Variants in JMY observed in about 807,000 individuals in gnomAD.
The protein encoded by JMY is junction mediating and regulatory protein, p53 cofactor.
JMY carries 46 observed loss-of-function variants against 103.3 expected under a neutral mutation model. The observed-to-expected ratio is 0.45, with a 90% CI of 0.35 to 0.57. JMY has a LOEUF of 0.57. Ranked by LOEUF, JMY falls within the 20% of genes least tolerant of loss-of-function variation. JMY has a pLI of 0.00. For synonymous variants in JMY, 526 were observed against 489.3 expected, an observed-to-expected ratio of 1.07 and a Z score of -0.99; for missense variants, 1,238 against 1,255.2, an observed-to-expected ratio of 0.99 and a Z score of 0.21.
At chr5:79,277,448 G>A (rs1055444284) in intron 1 of JMY, among the ~76,000 whole-genome samples, 1 of 151,304 alleles carries the variant, frequency 6.6e-6, no homozygotes, top group Non-Finnish European at 1.5e-5. Flanking sequence ...GCAACATGGT[G>A]AGACCCCGTC....
chr5:79,237,770 G>A (rs1047011584), intron 1 of JMY, 88 bp downstream of exon 1: 36 of 1,185,928 alleles, frequency 3.0e-5, no homozygotes, highest in Non-Finnish European at 3.4e-5. Flanking sequence ...TGTCGGGTGT[G>A]CGCAGTAGGA....
rs540078742 is a variant in JMY at position 79,294,628 on chromosome 5, G to A, written c.1527+3329G>A. 1.3e-4 allele frequency among the ~76,000 whole-genome samples: 20 copies of A among 152,144 alleles called. No homozygotes were observed. In the South Asian group the frequency reaches 3.3e-3, roughly 25 times the overall value. Reference sequence around the variant, plus strand: ...TCCTAGCACTTTGGGAGGCCAAGACGGGCGGATCATCTGAGGTCAGGAGTT... The same window carrying A: ...TCCTAGCACTTTGGGAGGCCAAGACAGGCGGATCATCTGAGGTCAGGAGTT... On this transcript the variant is annotated intron_variant, in intron 4 of 10. Coordinates refer to ENST00000396137, the MANE Select transcript of JMY (RefSeq NM_152405.5).
intron 6 of JMY, 33 bp from the exon 7 acceptor site, chr5:79,306,342 A>G (rs1260455927): frequency 6.8e-7 from 1 of 1,472,082 alleles, no homozygotes; most frequent in East Asian, 2.3e-5. Context: ...TTCAAGTTTC[A>G]CTTGTATTAA....
chr5:79,290,409 A>C, intron 3 of JMY, 138 bp downstream of exon 3: 1 of 419,396 alleles, frequency 2.4e-6, no homozygotes, highest in Non-Finnish European at 4.0e-6. Flanking sequence ...ACTATTAGCA[A>C]ATTAAGGCAC....
intron 2 of JMY, among the ~76,000 whole-genome samples, chr5:79,283,462 A>G (rs190453044): frequency 6.6e-6 from 1 of 152,306 alleles, no homozygotes; most frequent in East Asian, 1.9e-4. Flanking sequence ...TAATGTATTT[A>G]TATTTGTTTT....
chr5:79,279,026 G>A (rs889530770), intron 2 of JMY, among the ~76,000 whole-genome samples: 1 of 152,002 alleles, frequency 6.6e-6, no homozygotes, highest in African/African-American at 2.4e-5. Flanking sequence ...ATTAGTGTGT[G>A]ACAAAGTATA....
At chr5:79,312,372 C>A in intron 7 of JMY, 31 bp from the exon 8 acceptor site, 2 of 1,302,864 alleles carry the variant, frequency 1.5e-6, no homozygotes, top group Non-Finnish European at 2.1e-6. Flanking sequence ...TGGGACACAG[C>A]ATAATGGAAT....
At chr5:79,255,365 G>C (rs1745211100) in intron 1 of JMY, among the ~76,000 whole-genome samples, 1 of 152,024 alleles carries the variant, frequency 6.6e-6, no homozygotes, top group African/African-American at 2.4e-5. Flanking sequence ...CCAAAGTTCT[G>C]GTATTACAGG....
At chr5:79,268,514 G>T (rs180749722) in intron 1 of JMY, among the ~76,000 whole-genome samples, 2 of 151,788 alleles carry the variant, frequency 1.3e-5, no homozygotes, top group Non-Finnish European at 2.9e-5. Context: ...TTGAGATGGC[G>T]TCTCGCTCTG....
chr5:79,249,966 A>G (rs1745026659), intron 1 of JMY, among the ~76,000 whole-genome samples: 1 of 152,194 alleles, frequency 6.6e-6, no homozygotes, highest in Admixed American at 6.5e-5. Flanking sequence ...CTAAAATGGC[A>G]TAATAACTAT....
At chr5:79,284,680 G>T in intron 2 of JMY, 2 of 1,587,690 alleles carry the variant, frequency 1.3e-6, no homozygotes, top group Non-Finnish European at 1.7e-6. Flanking sequence ...TTTTCTAAGT[G>T]CAACTTCATC....
intron 1 of JMY, among the ~76,000 whole-genome samples, chr5:79,264,493 A>G (rs1442365459): frequency 6.6e-6 from 1 of 151,568 alleles, no homozygotes; most frequent in Non-Finnish European, 1.5e-5. Context: ...TGTAGGAGGT[A>G]AAGCCTGCCA....
rs1428604524 is a variant in JMY, at chr5:79,323,464, G to GTAT, written c.*1864_*1866dup. On this transcript the variant is annotated 3_prime_UTR_variant, in exon 11 of 11. Coordinates refer to ENST00000396137, the MANE Select transcript of JMY (RefSeq NM_152405.5). Reference sequence around the variant, plus strand: ...TTTGCCCTTGGTAAAATATTAAAGCGTATTTCTTAACCCAAAGAGTGATTG... The same window carrying GTAT: ...TTTGCCCTTGGTAAAATATTAAAGCGTATTATTTCTTAACCCAAAGAGTGATTG... 3 of 152,110 alleles carry GTAT rather than the reference G, an allele frequency of 2.0e-5. No homozygotes were observed. The highest frequency in any genetic ancestry group is 7.2e-5 in the African/African-American group (3 of 41,442). 9.4% of individuals were successfully genotyped at this position (152,110 alleles called of 1,614,324 possible). A position where few individuals can be genotyped will look rare whatever the true frequency, so the allele number is the denominator to read the frequency against.
Position 79,316,334 on chromosome 5 carries a change from T to C in JMY, c.*3+24T>C, listed in dbSNP as rs369662458. 146 of 1,525,754 alleles carry C rather than the reference T, an allele frequency of 9.6e-5. 2 individuals carry two copies. Among genetic ancestry groups the C allele is most frequent in the Non-Finnish European group, 9.8e-6 (11 of 1,119,188 alleles). The allele number at this position is 1,525,754 out of a possible 1,614,324, so 94.5% of individuals were successfully genotyped here. A position where few individuals can be genotyped will look rare whatever the true frequency, so the allele number is the denominator to read the frequency against. ...AAGTAAACGGCCTTATTGTCTTTAG[T>C]AGCATTCAGTAATACAGGTTTTATA... is the stretch of plus-strand genomic sequence containing the variant. On this transcript the variant is annotated intron_variant, in intron 10 of 10. Transcript: ENST00000396137.
intron 1 of JMY, among the ~76,000 whole-genome samples, chr5:79,241,134 T>C (rs1232178948): frequency 6.6e-6 from 1 of 152,220 alleles, no homozygotes; most frequent in Non-Finnish European, 1.5e-5. Context: ...ATCACCTGTT[T>C]TTGTTCAAAA....
chr5:79,272,612 A>G (rs1390838852), intron 1 of JMY, among the ~76,000 whole-genome samples: 2 of 152,178 alleles, frequency 1.3e-5, no homozygotes, highest in Non-Finnish European at 2.9e-5. Context: ...GGATTAAACC[A>G]TACTTGGAGT....
intron 2 of JMY, chr5:79,284,254 A>G (rs1173753688): frequency 7.9e-6 from 12 of 1,523,558 alleles, no homozygotes; most frequent in African/African-American, 2.7e-5. Context: ...AGCTTTCCCA[A>G]TTCAAACTTG....
Position 79,314,636 on chromosome 5 carries a change from C to CCCCAACAA in JMY, c.2444_2445insCCCAACAA (p.Pro817ThrfsTer74). 3 of 1,502,548 alleles carry CCCCAACAA rather than the reference C, an allele frequency of 2.0e-6. No homozygotes were observed. The highest frequency in any genetic ancestry group is 2.8e-6 in the Non-Finnish European group (3 of 1,090,230). 93.1% of individuals were successfully genotyped at this position (1,502,548 alleles called of 1,614,324 possible). A position where few individuals can be genotyped will look rare whatever the true frequency, so the allele number is the denominator to read the frequency against. On this transcript the variant is annotated frameshift_variant, in exon 9 of 11. Transcript: ENST00000396137. LOFTEE classifies it high-confidence loss of function. ...CTTCCTCCAACACCACCACCTCCCC[C>CCCCAACAA]ACCTCCTCCCCCTCCCCCACCACCA...
At chr5:79,307,988 T>C (rs1746938719) in intron 7 of JMY, among the ~76,000 whole-genome samples, 1 of 152,156 alleles carries the variant, frequency 6.6e-6, no homozygotes, top group African/African-American at 2.4e-5. Flanking sequence ...CTGCCCTCCT[T>C]GGCCTCCAAA....
Sources: gnomAD v4.1 joint callset for allele counts (sites outside exome capture counted in the v4.1 genomes callset) on GRCh38, gnomAD v4.1.1 for gene constraint, MANE v1.5 for transcripts, NCBI Gene and HGNC (gene_info 2026-07-23, HGNC 2026-07-21) for gene names.